The following FAT3 variants were observed in gnomAD, a reference collection of about 807,000 sequenced individuals.
The protein encoded by FAT3 is FAT atypical cadherin 3.
In FAT3, 95 loss-of-function variants were observed where a neutral mutation model predicts 310.2. That is an observed-to-expected ratio of 0.31 (90% confidence interval 0.26 to 0.36). The LOEUF is 0.36. FAT3 is among the 10% of genes least tolerant of loss of function. FAT3 has a pLI of 1.00. For missense variants in FAT3, 5,408 were observed against 5,715.6 expected (o/e 0.95, Z 1.74); for synonymous variants, 2,314 against 2,192.9 (o/e 1.06, Z -1.54).
intron 2 of FAT3, among the ~76,000 whole-genome samples, chr11:92,403,052 C>G (rs753600338): frequency 1.3e-5 from 2 of 152,210 alleles, no homozygotes; most frequent in Non-Finnish European, 2.9e-5. Flanking sequence ...GCAGGCCCAT[C>G]AGTCTTACAG....
rs749780936 is a variant in FAT3, at chr11:92,890,591, G to A, written c.13248G>A (p.Gln4416=). The A allele has an allele frequency of 3.7e-6, 6 of 1,613,746 alleles. No homozygotes were observed. In the South Asian group the frequency reaches 4.4e-5, roughly 12 times the overall value. ...ACCAGGATGGAGGGTCTGCACACCA[G>A]GGGAGCACACGGGAGCTGGAGAGCG... ...YENQDGGSAH[Q]GSTRELESDY... Residue 4416 remains glutamine, a synonymous_variant, in exon 28 of 28, where the codon CAG becomes CAA. Coordinates refer to ENST00000525166, the MANE Select transcript of FAT3 (RefSeq NM_001367949.2).
chr11:92,858,852 A>C (rs1949049092), intron 20 of FAT3, among the ~76,000 whole-genome samples: 1 of 152,210 alleles, frequency 6.6e-6, no homozygotes, highest in Non-Finnish European at 1.5e-5. Flanking sequence ...TGCTCATTTT[A>C]GAAAGTGGGA....
intron 3 of FAT3, among the ~76,000 whole-genome samples, chr11:92,640,253 C>T (rs1239160555): frequency 6.6e-6 from 1 of 152,070 alleles, no homozygotes; most frequent in Non-Finnish European, 1.5e-5. Context: ...AGCTTTTGGG[C>T]CAAGCAGCTG....
chr11:92,801,138 A>G lies in FAT3; in HGVS notation c.8125A>G (p.Thr2709Ala), dbSNP rs747716236. 2 of 1,613,916 alleles carry G rather than the reference A, an allele frequency of 1.2e-6. No individual in the cohort carries two copies. Among genetic ancestry groups the G allele is most frequent in the Non-Finnish European group, 8.5e-7 (1 of 1,179,874 alleles). Residue 2709 changes from threonine to alanine, a missense_variant, in exon 10 of 28, where the codon ACC becomes GCC. Transcript: ENST00000525166. ...CCCTGAAACGTTCTTGCCATCATTC[A>G]CCCAGTCTCAGTATTCCTTTACCAT... ...LPPETFLPSF[T>A]QSQYSFTIAE...
At chr11:92,599,057 G>A (rs879681085) in intron 3 of FAT3, among the ~76,000 whole-genome samples, 3 of 152,152 alleles carry the variant, frequency 2.0e-5, no homozygotes, top group Non-Finnish European at 4.4e-5. Context: ...ATCAGATCTG[G>A]GGATAAGAAC....
chr11:92,859,074 A>C, intron 20 of FAT3, 91 bp from the exon 21 acceptor site: 1 of 1,277,144 alleles, frequency 7.8e-7, no homozygotes, highest in Non-Finnish European at 1.1e-6. Flanking sequence ...TCTTTAATCA[A>C]CTTGGTTGGT....
intron 3 of FAT3, among the ~76,000 whole-genome samples, chr11:92,682,682 T>C (rs1160315876): frequency 4.6e-5 from 7 of 152,172 alleles, no homozygotes. Context: ...ACTGAAACTT[T>C]TCATGCTAAA....
At chr11:92,249,447 T>C (rs1249727307) in intron 1 of FAT3, among the ~76,000 whole-genome samples, 1 of 152,158 alleles carries the variant, frequency 6.6e-6, no homozygotes, top group Admixed American at 6.6e-5. Flanking sequence ...AATCCAGGCA[T>C]GTCAGTGATT....
chr11:92,672,187 A>C (rs1285094646), intron 3 of FAT3, among the ~76,000 whole-genome samples: 1 of 152,184 alleles, frequency 6.6e-6, no homozygotes, highest in African/African-American at 2.4e-5. Flanking sequence ...TTTAACTGCT[A>C]ACCAAACAGA....
At chr11:92,581,198 C>T (rs1054075185) in intron 3 of FAT3, among the ~76,000 whole-genome samples, 5 of 152,028 alleles carry the variant, frequency 3.3e-5, no homozygotes, top group African/African-American at 7.3e-5. Flanking sequence ...GCTTTGCTGT[C>T]CTCCTTAAAG....
intron 3 of FAT3, among the ~76,000 whole-genome samples, chr11:92,607,357 G>T (rs149314060): frequency 6.6e-6 from 1 of 152,256 alleles, no homozygotes; most frequent in African/African-American, 2.4e-5. Context: ...CATGCAGTTA[G>T]TGGACTTCAT....
chr11:92,593,529 G>A (rs1333665297), intron 3 of FAT3, among the ~76,000 whole-genome samples: 1 of 151,882 alleles, frequency 6.6e-6, no homozygotes, highest in Non-Finnish European at 1.5e-5. Flanking sequence ...AAGATCCTGA[G>A]CTAAGCTGTA....
rs76187990 is a variant in FAT3, at chr11:92,607,317, G to T, written c.3607+82369G>T. Reference sequence around the variant, plus strand: ...CTGCTGAAAGAGGAGACTAAGGAAGGGGGGTGGGGGGAAATGACTTGCCCA... The same window carrying T: ...CTGCTGAAAGAGGAGACTAAGGAAGTGGGGTGGGGGGAAATGACTTGCCCA... On this transcript the variant is annotated intron_variant, in intron 3 of 27. Coordinates refer to ENST00000525166, the MANE Select transcript of FAT3 (RefSeq NM_001367949.2). Among the ~76,000 whole-genome samples, 53 of 152,174 alleles carry T rather than the reference G, an allele frequency of 3.5e-4. No homozygotes were observed. The East Asian group carries it at 8.3e-3, about 24-fold the overall frequency.
rs201980513 is a variant in FAT3 at position 92,801,492 on chromosome 11, A to C, written c.8479A>C (p.Met2827Leu). ...CTATGACACCATTATAATGGAAGGG[A>C]TGCCTGTTGGCACCAAACTCACACA... ...SSYDTIIMEG[M>L]PVGTKLTQVR... The change falls in exon 10 of 28, where the codon ATG becomes CTG. Residue 2827 changes from methionine (M) to leucine (L), a missense_variant. Transcript: ENST00000525166. 207 of 1,612,876 alleles carry C rather than the reference A, an allele frequency of 1.3e-4. No individual in the cohort carries two copies. The African/African-American group carries it at 2.5e-3, about 19-fold the overall frequency.
At chr11:92,587,448 G>T (rs1185733256) in intron 3 of FAT3, among the ~76,000 whole-genome samples, 2 of 151,962 alleles carry the variant, frequency 1.3e-5, no homozygotes, top group East Asian at 1.9e-4. Context: ...AGACTTGCAG[G>T]TCAAAGGAAT....
chr11:92,852,336 A>G (rs1470180855), intron 19 of FAT3, among the ~76,000 whole-genome samples: 1 of 152,210 alleles, frequency 6.6e-6, no homozygotes, highest in East Asian at 1.9e-4. Flanking sequence ...ACACATGATC[A>G]CATCTGTCCC....
chr11:92,412,702 G>GATATATATATAT (rs758587642), intron 2 of FAT3, among the ~76,000 whole-genome samples: 23 of 13,426 alleles, frequency 1.7e-3, no homozygotes, highest in South Asian at 6.8e-3. Flanking sequence ...TGATGGTGGT[G>GATATATATATAT]ATATATATAT....
At chr11:92,489,539 T>C (rs550617295) in intron 2 of FAT3, among the ~76,000 whole-genome samples, 10 of 152,214 alleles carry the variant, frequency 6.6e-5, no homozygotes, top group African/African-American at 2.2e-4. Context: ...CCATGGAACA[T>C]AGAGGAGAGT....
chr11:92,780,248 A>C (rs1946712137), intron 7 of FAT3, among the ~76,000 whole-genome samples: 1 of 147,228 alleles, frequency 6.8e-6, no homozygotes, highest in Non-Finnish European at 1.5e-5. Context: ...GGTAGCCTGG[A>C]CTTCCTGGGC....
Sources: gnomAD v4.1 joint callset for allele counts (sites outside exome capture counted in the v4.1 genomes callset) on GRCh38, gnomAD v4.1.1 for gene constraint, MANE v1.5 for transcripts, NCBI Gene and HGNC (gene_info 2026-07-23, HGNC 2026-07-21) for gene names.